BCLAF1: variants seen among roughly 807,000 people sequenced by gnomAD.
The protein encoded by BCLAF1 is bcl-2-associated transcription factor 1.
BCLAF1 carries 10 observed loss-of-function variants against 99.5 expected under a neutral mutation model. The observed-to-expected ratio is 0.10, with a 90% CI of 0.06 to 0.17. BCLAF1 has a LOEUF of 0.17. BCLAF1 is among the 10% of genes least tolerant of loss of function. BCLAF1 has a pLI of 1.00. For missense variants in BCLAF1, 636 were observed against 1,105.8 expected, an observed-to-expected ratio of 0.58 and a Z score of 6.02; for synonymous variants, 255 against 370.9, an observed-to-expected ratio of 0.69 and a Z score of 3.59.
At chr6:136,269,280 G>A in intron 9 of BCLAF1, 157 bp downstream of exon 9, 4 of 1,517,626 alleles carry the variant, frequency 2.6e-6, no homozygotes, top group Admixed American at 2.1e-5. Flanking sequence ...ACCATAAGCC[G>A]TGTAAAAGAC....
At chr6:136,279,256 A>T (rs1784036028) in intron 3 of BCLAF1, among the ~76,000 whole-genome samples, 1 of 152,090 alleles carries the variant, frequency 6.6e-6, no homozygotes, top group African/African-American at 2.4e-5. Context: ...ACTACTATTA[A>T]TTCTTAATGG....
chr6:136,281,455 G>C (rs181948789), intron 2 of BCLAF1, among the ~76,000 whole-genome samples: 304 of 152,212 alleles, frequency 2.0e-3, no homozygotes, highest in Middle Eastern at 6.8e-3. Context: ...ACATTCTCTT[G>C]CATCTGATTT....
rs776249122 is a variant in BCLAF1, at chr6:136,289,777, G to C, written c.-179C>G. ...TGCAACCACACAGCGGCCATTTCCC[G>C]ACTCAAGAACGCGAGGAAAACCATA... On this transcript the variant is annotated 5_prime_UTR_variant, in exon 1 of 13. Transcript: ENST00000531224. 1 of 152,714 alleles carries C rather than the reference G, an allele frequency of 6.5e-6. No homozygotes were observed. The highest frequency in any genetic ancestry group is 1.5e-5 in the Non-Finnish European group (1 of 68,068). The allele number at this position is 152,714 out of a possible 1,614,324, so 9.5% of individuals were successfully genotyped here.
At chr6:136,271,888 A>G in intron 8 of BCLAF1, 107 bp downstream of exon 8, 2 of 769,536 alleles carry the variant, frequency 2.6e-6, no homozygotes, top group Non-Finnish European at 2.2e-6. Flanking sequence ...TTATGAATTA[A>G]AAGTAGAAGA....
rs1173234336 is a variant in BCLAF1, at chr6:136,283,178, C to CAA, written c.-114-493_-114-492dup. Reference sequence around the variant, plus strand: ...TTGGCAACACAGCACGACCCCATCTCAAAAAAAAAAAAAAAAAAAAAAAAA... The same window carrying CAA: ...TTGGCAACACAGCACGACCCCATCTCAAAAAAAAAAAAAAAAAAAAAAAAAAA... On this transcript the variant is annotated intron_variant, in intron 1 of 12. Coordinates refer to ENST00000531224, the MANE Select transcript of BCLAF1 (RefSeq NM_014739.3). 1.9e-3 allele frequency among the ~76,000 whole-genome samples: 100 copies of CAA among 52,020 alleles called. 2 individuals carry two copies. The highest frequency in any genetic ancestry group is 7.8e-3 in the Admixed American group (29 of 3,722). 34.1% of individuals were successfully genotyped at this position (52,020 alleles called of 152,430 possible).
intron 6 of BCLAF1, chr6:136,274,290 T>C: frequency 7.6e-6 from 2 of 263,756 alleles, no homozygotes. Flanking sequence ...GAAACATTAC[T>C]ACAGTTCTTT....
At chr6:136,288,353 G>A (rs2128495416) in intron 1 of BCLAF1, among the ~76,000 whole-genome samples, 1 of 152,274 alleles carries the variant, frequency 6.6e-6, no homozygotes. Flanking sequence ...CCGCCGAGGG[G>A]CCACTTTTTC....
Position 136,275,956 on chromosome 6 carries a change from T to C in BCLAF1, c.1569A>G (p.Glu523=). ...PPLHKNLDAR[E]KSTFREESPL... is the part of the protein sequence containing the mutation. ...GGCTTTCCTCTCTGAAGGTAGACTT[T>C]TCTCGTGCATCCAGATTCTTGTGTA... Residue 523 remains glutamate, a synonymous_variant, in exon 5 of 13, where the codon GAA becomes GAG. Coordinates refer to ENST00000531224, the MANE Select transcript of BCLAF1 (RefSeq NM_014739.3). The C allele has an allele frequency of 1.9e-6, 3 of 1,612,824 alleles. No individual in the cohort carries two copies. Among genetic ancestry groups the C allele is most frequent in the Non-Finnish European group, 2.5e-6 (3 of 1,179,558 alleles).
Position 136,267,018 on chromosome 6 carries a change from C to G in BCLAF1, c.2544+11G>C, listed in dbSNP as rs775176708. ...ATGCAAACCAAATAAACACAGATGT[C>G]TAACACCCACCAAGAAGTACTTCTT... On this transcript the variant is annotated intron_variant, in intron 11 of 12. Transcript: ENST00000531224. The G allele has an allele frequency of 1.9e-6, 3 of 1,612,290 alleles. No individual in the cohort carries two copies. Among genetic ancestry groups the G allele is most frequent in the Admixed American group, 3.3e-5 (2 of 59,936 alleles).
In BCLAF1 at chr6:136,257,993, C is replaced by T. The variant is rs1163671471; in HGVS notation, c.*3117G>A. 1 of 152,122 alleles carries T rather than the reference C, an allele frequency of 6.6e-6. No homozygotes were observed. The highest frequency in any genetic ancestry group is 1.5e-5 in the Non-Finnish European group (1 of 67,946). 9.4% of individuals were successfully genotyped at this position (152,122 alleles called of 1,614,324 possible). ...AAGCTACCAATGATCTTACACAACA[C>T]TTTACATGCATATGTATGTACACAC... is the stretch of plus-strand genomic sequence containing the variant. On this transcript the variant is annotated 3_prime_UTR_variant, in exon 13 of 13. Transcript: ENST00000531224.
intron 1 of BCLAF1, among the ~76,000 whole-genome samples, chr6:136,289,412 TG>T (rs1376864111): frequency 6.7e-6 from 1 of 150,010 alleles, no homozygotes; most frequent in Non-Finnish European, 1.5e-5. Context: ...GGGGGAAGGG[TG>T]GAAGAGGAAG....
intron 1 of BCLAF1, among the ~76,000 whole-genome samples, chr6:136,286,518 T>C (rs895423736): frequency 1.3e-5 from 2 of 152,252 alleles, no homozygotes; most frequent in Non-Finnish European, 2.9e-5. Context: ...GCCCGTGGTA[T>C]ACAATCTAGC....
chr6:136,272,678 C>A (rs1360761272), intron 7 of BCLAF1, among the ~76,000 whole-genome samples: 1 of 151,888 alleles, frequency 6.6e-6, no homozygotes, highest in African/African-American at 2.4e-5. Flanking sequence ...CACAATGCAA[C>A]GAAGAGACAA....
At chr6:136,287,379 A>G (rs969943578) in intron 1 of BCLAF1, among the ~76,000 whole-genome samples, 1 of 152,220 alleles carries the variant, frequency 6.6e-6, no homozygotes, top group Non-Finnish European at 1.5e-5. Flanking sequence ...ATCTAGTATT[A>G]TCTTCGTGTT....
At chr6:136,288,397 T>C (rs1007775521) in intron 1 of BCLAF1, among the ~76,000 whole-genome samples, 1 of 152,218 alleles carries the variant, frequency 6.6e-6, no homozygotes, top group African/African-American at 2.4e-5. Context: ...GAATTGGTCA[T>C]GATCAAACAA....
chr6:136,261,715 A>G (rs1209159765), intron 11 of BCLAF1, among the ~76,000 whole-genome samples: 2 of 152,182 alleles, frequency 1.3e-5, no homozygotes, highest in African/African-American at 4.8e-5. Context: ...TTACCCAGAC[A>G]ATCATTTGGA....
intron 11 of BCLAF1, among the ~76,000 whole-genome samples, 161 bp downstream of exon 11, chr6:136,266,868 A>G (rs1781788214): frequency 1.3e-5 from 2 of 152,032 alleles, no homozygotes; most frequent in African/African-American, 4.8e-5. Context: ...AGGGACCCAC[A>G]TTTTTCAAAA....
chr6:136,279,717 A>G (rs1347091991), intron 3 of BCLAF1, 46 bp downstream of exon 3: 1 of 1,464,350 alleles, frequency 6.8e-7, no homozygotes, highest in Non-Finnish European at 9.1e-7. Context: ...TTCAACAAGT[A>G]TTAACTGATA....
At chr6:136,275,139 T>C (rs1426746333) in intron 6 of BCLAF1, among the ~76,000 whole-genome samples, 1 of 152,038 alleles carries the variant, frequency 6.6e-6, no homozygotes, top group Non-Finnish European at 1.5e-5. Flanking sequence ...CAATACTGTC[T>C]GACTTTGTTA....
Sources: allele counts gnomAD v4.1 joint callset (sites outside exome capture counted in the v4.1 genomes callset), GRCh38; gene constraint gnomAD v4.1.1; transcripts MANE v1.5; gene names NCBI Gene and HGNC (gene_info 2026-07-23, HGNC 2026-07-21).